Variants in IL1RAPL1 observed in about 807,000 individuals in gnomAD.
The protein encoded by IL1RAPL1 is interleukin-1 receptor accessory protein-like 1.
Under a neutral mutation model 48.4 loss-of-function variants are expected in IL1RAPL1, and 3 were observed. That is an observed-to-expected ratio of 0.06 (90% CI 0.03 to 0.16). The LOEUF (loss-of-function observed/expected upper bound fraction) is 0.16, where lower values mean the gene tolerates loss of function less well. Among genes scored for constraint, IL1RAPL1 ranks in the 10% least tolerant of loss-of-function variants. The pLI, the probability that IL1RAPL1 is intolerant of heterozygous loss-of-function variation, is 1.00. For missense variants in IL1RAPL1, 349 were observed against 530.6 expected (o/e 0.66, Z 3.36); for synonymous variants, 185 against 187.7 (o/e 0.99, Z 0.12).
intron 2 of IL1RAPL1, among the ~76,000 whole-genome samples, chrX:29,209,916 A>G (rs1930738678): frequency 8.9e-6 from 1 of 111,937 alleles, no homozygotes; most frequent in Non-Finnish European, 1.9e-5. Flanking sequence ...TTTGTATTTC[A>G]TATATTCTTG....
At chrX:29,691,662 T>C (rs1389846877) in intron 6 of IL1RAPL1, among the ~76,000 whole-genome samples, 1 of 109,341 alleles carries the variant, frequency 9.1e-6, no homozygotes, top group Non-Finnish European at 1.9e-5. Flanking sequence ...CATTCAATTT[T>C]ATATTTGTCT....
At chrX:29,372,074 C>T (rs1933553595) in intron 3 of IL1RAPL1, among the ~76,000 whole-genome samples, 2 of 112,249 alleles carry the variant, frequency 1.8e-5, no homozygotes, top group Non-Finnish European at 3.8e-5. Flanking sequence ...TCTCCAGAGC[C>T]TCATCAACAT....
At chrX:29,139,926 G>A (rs183199032) in intron 2 of IL1RAPL1, among the ~76,000 whole-genome samples, 17 of 111,354 alleles carry the variant, frequency 1.5e-4, no homozygotes, top group South Asian at 1.5e-3. Flanking sequence ...TCAATTTTGT[G>A]TTGCTATAAA....
At chrX:28,851,618 G>C (rs184447690) in intron 2 of IL1RAPL1, among the ~76,000 whole-genome samples, 1 of 111,589 alleles carries the variant, frequency 9.0e-6, no homozygotes, top group Non-Finnish European at 1.9e-5. Flanking sequence ...AGTTACCATC[G>C]AAGGAGCAGC....
intron 3 of IL1RAPL1, among the ~76,000 whole-genome samples, chrX:29,305,609 G>A (rs1049237448): frequency 8.1e-5 from 9 of 111,443 alleles, no homozygotes; most frequent in Admixed American, 2.9e-4. Flanking sequence ...TTTAGGAGCT[G>A]GAATAGGAAG....
At chrX:29,938,937 A>AAAC (rs2042361631) in intron 8 of IL1RAPL1, among the ~76,000 whole-genome samples, 2 of 112,272 alleles carry the variant, frequency 1.8e-5, no homozygotes, top group African/African-American at 6.5e-5. Context: ...TGCTGAGTAT[A>AAAC]TTCTATCATA....
At chrX:28,725,020 C>T (rs1285138873) in intron 1 of IL1RAPL1, among the ~76,000 whole-genome samples, 1 of 103,991 alleles carries the variant, frequency 9.6e-6, no homozygotes, top group African/African-American at 3.5e-5. Flanking sequence ...GATGCAATCT[C>T]GGCTCACTGC....
chrX:28,827,172 A>C (rs1305193802), intron 2 of IL1RAPL1, among the ~76,000 whole-genome samples: 1 of 111,421 alleles, frequency 9.0e-6, no homozygotes, highest in Admixed American at 9.6e-5. Flanking sequence ...GCAGAAATAC[A>C]TATAAAGCAT....
intron 1 of IL1RAPL1, among the ~76,000 whole-genome samples, chrX:28,675,766 A>G (rs1161250924): frequency 9.0e-6 from 1 of 111,669 alleles, no homozygotes; most frequent in African/African-American, 3.3e-5. Flanking sequence ...ACCTGCTCTT[A>G]GTAAACTGCA....
chrX:28,771,937 C>CAA (rs5901904), intron 1 of IL1RAPL1, among the ~76,000 whole-genome samples: 2,592 of 41,206 alleles, frequency 0.063, 211 homozygotes, highest in Admixed American at 0.14. Flanking sequence ...GACTCCGTCT[C>CAA]AAAAAAAAAA....
chrX:28,603,810 T>C (rs1934053705), intron 1 of IL1RAPL1, among the ~76,000 whole-genome samples: 1 of 112,481 alleles, frequency 8.9e-6, no homozygotes, highest in Non-Finnish European at 1.9e-5. Context: ...GACATTTGCA[T>C]TGTAAAGGTG....
chrX:29,247,144 A>G (rs1457285731), intron 2 of IL1RAPL1, among the ~76,000 whole-genome samples: 1 of 112,030 alleles, frequency 8.9e-6, no homozygotes, highest in East Asian at 2.8e-4. Flanking sequence ...CTATGCCTAG[A>G]TATTTACTGT....
At chrX:29,737,460 T>G (rs1366461947) in intron 6 of IL1RAPL1, among the ~76,000 whole-genome samples, 1 of 111,984 alleles carries the variant, frequency 8.9e-6, no homozygotes, top group Non-Finnish European at 1.9e-5. Context: ...TTTGTCCAAA[T>G]CTGACATTGC....
chrX:28,605,720 A>G lies in IL1RAPL1; in HGVS notation c.-25+17673A>G, dbSNP rs765253652. 2.7e-5 allele frequency among the ~76,000 whole-genome samples: 3 copies of G among 111,901 alleles called. No individual in the cohort carries two copies. In the East Asian group the frequency reaches 8.4e-4, roughly 31 times the overall value. On this transcript the variant is annotated intron_variant, in intron 1 of 10. Transcript: ENST00000378993. ...TACTTGGAGTAAAAGTAAAGTTCTT[A>G]TAATGGCCTAAGGAAATTCGCCTAC...
chrX:29,176,412 A>C (rs984035532), intron 2 of IL1RAPL1, among the ~76,000 whole-genome samples: 22 of 109,364 alleles, frequency 2.0e-4, no homozygotes, highest in Non-Finnish European at 4.0e-4. Flanking sequence ...GGTGATGTTG[A>C]TGCTGCTGGT....
At chrX:28,714,021 A>T (rs951522312) in intron 1 of IL1RAPL1, among the ~76,000 whole-genome samples, 1 of 111,966 alleles carries the variant, frequency 8.9e-6, no homozygotes, top group African/African-American at 3.2e-5. Flanking sequence ...CAGTATTATC[A>T]CACGTTTTAA....
At chrX:29,941,380 C>T (rs138030123) in intron 8 of IL1RAPL1, among the ~76,000 whole-genome samples, 1,126 of 112,128 alleles carry the variant, frequency 0.01, 6 homozygotes, top group Non-Finnish European at 0.017. Context: ...TTCTCTTAAT[C>T]CAAATGCAAG....
At chrX:29,843,403 T>C (rs1201008572) in intron 6 of IL1RAPL1, among the ~76,000 whole-genome samples, 1 of 112,363 alleles carries the variant, frequency 8.9e-6, no homozygotes, top group Non-Finnish European at 1.9e-5. Flanking sequence ...TGTTAATTAC[T>C]CTTAGGACAT....
chrX:29,354,083 A>G (rs1412448723), intron 3 of IL1RAPL1, among the ~76,000 whole-genome samples: 1 of 110,879 alleles, frequency 9.0e-6, no homozygotes, highest in Non-Finnish European at 1.9e-5. Flanking sequence ...TTTAATTGTT[A>G]TCTTCATATC....
Sources: gnomAD v4.1 joint callset for allele counts (sites outside exome capture counted in the v4.1 genomes callset) on GRCh38, gnomAD v4.1.1 for gene constraint, MANE v1.5 for transcripts, NCBI Gene and HGNC (gene_info 2026-07-23, HGNC 2026-07-21) for gene names.